The following PDE4D variants were observed in gnomAD, a reference collection of about 807,000 sequenced individuals.
PDE4D encodes phosphodiesterase 4D.
In PDE4D, 24 loss-of-function variants were observed where a neutral mutation model predicts 87.4. The observed-to-expected ratio is 0.27, with a 90% CI of 0.20 to 0.39. The LOEUF is 0.39. Among genes scored for constraint, PDE4D ranks in the 10% least tolerant of loss-of-function variants. The pLI, the probability that PDE4D is intolerant of heterozygous loss-of-function variation, is 1.00. For synonymous variants in PDE4D, 384 were observed against 383.2 expected, an observed-to-expected ratio of 1.00 and a Z score of -0.02; for missense variants, 714 against 1,041.0, an observed-to-expected ratio of 0.69 and a Z score of 4.32.
intron 3 of PDE4D, among the ~76,000 whole-genome samples, chr5:59,926,221 TAAAC>T (rs1755257555): frequency 6.6e-6 from 1 of 151,904 alleles, no homozygotes; most frequent in Admixed American, 6.6e-5. Context: ...TTTTGGAAAC[TAAAC>T]AAACACATAG....
intron 1 of PDE4D, among the ~76,000 whole-genome samples, chr5:60,315,651 A>G (rs1278705737): frequency 1.3e-5 from 2 of 152,170 alleles, no homozygotes; most frequent in Non-Finnish European, 2.9e-5. Context: ...TCCACCTTGA[A>G]TTAATTTTAG....
At chr5:59,078,128 A>C (rs1417037079) in intron 5 of PDE4D, among the ~76,000 whole-genome samples, 3 of 152,184 alleles carry the variant, frequency 2.0e-5, no homozygotes, top group African/African-American at 7.2e-5. Flanking sequence ...TTTAAAAACC[A>C]ATGTAATACA....
chr5:59,709,784 T>C (rs1188535133), intron 1 of PDE4D, among the ~76,000 whole-genome samples: 1 of 152,024 alleles, frequency 6.6e-6, no homozygotes, highest in Non-Finnish European at 1.5e-5. Flanking sequence ...ATGCAGAAAA[T>C]AGCATGGTTA....
At chr5:59,579,600 A>G (rs1823733239) in intron 1 of PDE4D, among the ~76,000 whole-genome samples, 1 of 152,200 alleles carries the variant, frequency 6.6e-6, no homozygotes, top group African/African-American at 2.4e-5. Context: ...ATCTGTCACA[A>G]AGTAAAGCTG....
chr5:60,185,393 T>C (rs1051682968), intron 2 of PDE4D, among the ~76,000 whole-genome samples: 1 of 152,174 alleles, frequency 6.6e-6, no homozygotes, highest in Non-Finnish European at 1.5e-5. Flanking sequence ...ACAGACAAAC[T>C]AGTCTTTGTT....
rs182702165 is a variant in PDE4D at position 59,780,847 on chromosome 5, T to C, written c.455+112321A>G. Among the ~76,000 whole-genome samples, 379 of 152,216 alleles carry C rather than the reference T, an allele frequency of 2.5e-3. 1 individual carries two copies. Among genetic ancestry groups the C allele is most frequent in the African/African-American group, 8.5e-3 (355 of 41,544 alleles). On this transcript the variant is annotated intron_variant, in intron 1 of 14. Coordinates refer to ENST00000340635, the MANE Select transcript of PDE4D (RefSeq NM_001104631.2). ...CTGGAGCCTGAGGCGAGCCAACCAC[T>C]CTCTAGGGCTCAGTTTCCTTATCTA... is the stretch of plus-strand genomic sequence containing the variant.
intron 1 of PDE4D, among the ~76,000 whole-genome samples, chr5:59,790,704 T>C (rs1765683995): frequency 6.6e-6 from 1 of 152,192 alleles, no homozygotes; most frequent in East Asian, 1.9e-4. Flanking sequence ...TGCTTCCTCC[T>C]CTTCAATGCT....
intron 1 of PDE4D, among the ~76,000 whole-genome samples, chr5:59,782,781 A>G (rs1764759166): frequency 6.6e-6 from 1 of 152,246 alleles, no homozygotes; most frequent in Admixed American, 6.5e-5. Context: ...ATTTTGCTAT[A>G]ACAACTCATG....
intron 12 of PDE4D, among the ~76,000 whole-genome samples, 163 bp from the exon 13 acceptor site, chr5:58,976,635 C>G (rs1415824908): frequency 6.6e-6 from 1 of 152,140 alleles, no homozygotes; most frequent in Non-Finnish European, 1.5e-5. Context: ...TTCCCCTTTG[C>G]TATCAAGTTT....
At chr5:60,261,638 T>C (rs887647574) in intron 1 of PDE4D, among the ~76,000 whole-genome samples, 15 of 152,152 alleles carry the variant, frequency 9.9e-5, no homozygotes. Flanking sequence ...AGAGGTGGGC[T>C]GAGTTTAGCA....
Position 60,446,737 on chromosome 5 carries a change from A to C in PDE4D, c.-90+41205T>G, listed in dbSNP as rs1745673302. Reference sequence around the variant, plus strand: ...ATAAGAGAATTCAGATGGAGAGCTAAGTTTCTATAATCCCTTCATTAGTCT... The same window carrying C: ...ATAAGAGAATTCAGATGGAGAGCTACGTTTCTATAATCCCTTCATTAGTCT... On this transcript the variant is annotated intron_variant, in intron 1 of 16. Coordinates refer to the PDE4D transcript ENST00000502484. Among the ~76,000 whole-genome samples, 4 of 152,192 alleles carry C rather than the reference A, an allele frequency of 2.6e-5. No individual in the cohort carries two copies. The South Asian group carries it at 8.3e-4, about 31-fold the overall frequency.
chr5:59,055,500 C>T (rs1762203178), intron 5 of PDE4D, among the ~76,000 whole-genome samples: 1 of 152,104 alleles, frequency 6.6e-6, no homozygotes. Flanking sequence ...CTTTTGTCAG[C>T]AAGTTTCCTC....
In PDE4D at chr5:59,474,920, G is replaced by GT. The variant is rs201619621; in HGVS notation, c.456-258953dup. Among the ~76,000 whole-genome samples, 384 of 151,806 alleles carry GT rather than the reference G, an allele frequency of 2.5e-3. 1 individual carries two copies. The highest frequency in any genetic ancestry group is 8.4e-3 in the African/African-American group (349 of 41,438). On this transcript the variant is annotated intron_variant, in intron 1 of 14. Coordinates refer to ENST00000340635, the MANE Select transcript of PDE4D (RefSeq NM_001104631.2). ...CAACTGTAGGAACAGTGTTGGTTGG[G>GT]TTTTTTTTCCCCCTAAAAAGGTGTT...
chr5:59,188,815 T>A (rs1743525434), intron 3 of PDE4D, among the ~76,000 whole-genome samples: 1 of 152,216 alleles, frequency 6.6e-6, no homozygotes, highest in Non-Finnish European at 1.5e-5. Context: ...GTTTAAACCC[T>A]ATGAAATTGC....
chr5:59,672,317 T>C (rs1435299668), intron 1 of PDE4D, among the ~76,000 whole-genome samples: 1 of 152,160 alleles, frequency 6.6e-6, no homozygotes, highest in Non-Finnish European at 1.5e-5. Flanking sequence ...ATAATTATTA[T>C]GGAAAACCAA....
intron 1 of PDE4D, among the ~76,000 whole-genome samples, chr5:60,422,331 C>T (rs1211343337): frequency 6.6e-6 from 1 of 152,196 alleles, no homozygotes; most frequent in South Asian, 2.1e-4. Context: ...GCCCATCAGA[C>T]AAACAGCAGC....
intron 1 of PDE4D, among the ~76,000 whole-genome samples, chr5:59,502,443 T>C (rs1032072074): frequency 2.6e-5 from 4 of 152,092 alleles, no homozygotes; most frequent in Admixed American, 2.6e-4. Flanking sequence ...AAACATGGTG[T>C]CTGAGCAATA....
intron 1 of PDE4D, among the ~76,000 whole-genome samples, chr5:59,293,668 A>G (rs1035058482): frequency 6.6e-6 from 1 of 152,128 alleles, no homozygotes; most frequent in Non-Finnish European, 1.5e-5. Context: ...TTTTTTCTCC[A>G]TTGCGTTCTT....
intron 1 of PDE4D, among the ~76,000 whole-genome samples, chr5:59,345,741 C>A (rs1779511211): frequency 6.6e-6 from 1 of 152,156 alleles, no homozygotes; most frequent in African/African-American, 2.4e-5. Context: ...AGAACTGAAA[C>A]ATCACTTTGG....
Sources: gnomAD v4.1 joint callset for allele counts (sites outside exome capture counted in the v4.1 genomes callset) on GRCh38, gnomAD v4.1.1 for gene constraint, MANE v1.5 for transcripts, NCBI Gene and HGNC (gene_info 2026-07-23, HGNC 2026-07-21) for gene names.